The following ACSS3 variants were observed in gnomAD, a reference collection of about 807,000 sequenced individuals.
ACSS3 encodes acyl-CoA synthetase short-chain family member 3, mitochondrial.
A neutral mutation model predicts 84.2 loss-of-function variants in ACSS3; 64 were observed. That is an observed-to-expected ratio of 0.76 (90% CI 0.62 to 0.94). ACSS3 has a LOEUF of 0.94. Ranked by LOEUF, ACSS3 falls within the 40% of genes least tolerant of loss-of-function variation. The probability of loss-of-function intolerance (pLI) is 0.00; values close to 1 mark genes in which losing one functional copy is unlikely to be tolerated. For synonymous variants in ACSS3, 317 were observed against 310.1 expected, an observed-to-expected ratio of 1.02 and a Z score of -0.23; for missense variants, 815 against 867.6, an observed-to-expected ratio of 0.94 and a Z score of 0.76.
At chr12:81,232,395 C>T (rs928582382) in intron 12 of ACSS3, among the ~76,000 whole-genome samples, 1 of 151,714 alleles carries the variant, frequency 6.6e-6, no homozygotes, top group Non-Finnish European at 1.5e-5. Flanking sequence ...AATAACAGCA[C>T]AGAAGGGTTG....
chr12:81,238,074 T>A (rs2033682854), intron 13 of ACSS3, among the ~76,000 whole-genome samples: 1 of 151,760 alleles, frequency 6.6e-6, no homozygotes, highest in African/African-American at 2.4e-5. Flanking sequence ...GAATGGGTAT[T>A]GGATTTTGTC....
chr12:81,186,821 T>G (rs979658984), intron 8 of ACSS3, among the ~76,000 whole-genome samples: 1 of 151,782 alleles, frequency 6.6e-6, no homozygotes, highest in Non-Finnish European at 1.5e-5. Flanking sequence ...AAATTAAAAA[T>G]AGAACTACCA....
At chr12:81,220,166 C>A in intron 11 of ACSS3, 90 bp downstream of exon 11, 3 of 660,362 alleles carry the variant, frequency 4.5e-6, no homozygotes, top group Non-Finnish European at 7.2e-6. Context: ...GTTACTGCTA[C>A]TGAGGAAGTT....
intron 13 of ACSS3, among the ~76,000 whole-genome samples, chr12:81,241,623 A>T (rs2033807203): frequency 1.3e-5 from 2 of 152,188 alleles, no homozygotes; most frequent in Admixed American, 1.3e-4. Flanking sequence ...TTTTGGCTGC[A>T]TAAATGTCTT....
At chr12:81,093,819 A>G (rs893633558) in intron 1 of ACSS3, among the ~76,000 whole-genome samples, 1 of 152,106 alleles carries the variant, frequency 6.6e-6, no homozygotes, top group African/African-American at 2.4e-5. Context: ...TTTATATTTT[A>G]TGTGTAGATG....
At position 81,172,003 on chromosome 12, in the gene ACSS3, C is replaced by T. The variant is rs916594047; in HGVS notation, c.1099-2785C>T. Among the ~76,000 whole-genome samples the T allele has an allele frequency of 2.0e-5, 3 of 152,212 alleles. No individual in the cohort carries two copies. In the South Asian group the frequency reaches 6.2e-4, roughly 32 times the overall value. On this transcript the variant is annotated intron_variant, in intron 7 of 15. Transcript: ENST00000548058. ...AAAGCGCAGTAAAACTATGGTATCA[C>T]GCCTGTAATCCCAGCACTTTGAGAG...
In ACSS3 at chr12:81,258,853, T is replaced by G. The variant is rs1466966246; in HGVS notation, c.*3931T>G. 2.0e-5 allele frequency: 3 copies of G among 150,216 alleles called. No homozygotes were observed. In the South Asian group the frequency reaches 6.2e-4, roughly 31 times the overall value. The allele number at this position is 150,216 out of a possible 1,614,324, so 9.3% of individuals were successfully genotyped here. On this transcript the variant is annotated 3_prime_UTR_variant, in exon 16 of 16. Coordinates refer to ENST00000548058, the MANE Select transcript of ACSS3 (RefSeq NM_024560.4). ...GAACATGTGGTTCTTAGTAAAGAAG[T>G]TTTTTTATCTTTTTTTTTTTCTTGG...
intron 11 of ACSS3, among the ~76,000 whole-genome samples, chr12:81,227,763 A>G (rs1401633978): frequency 7.9e-5 from 12 of 151,822 alleles, no homozygotes; most frequent in Non-Finnish European, 1.8e-4. Context: ...TCTACCACAT[A>G]TTGCATATAT....
At chr12:81,122,163 C>G (rs554071141) in intron 2 of ACSS3, among the ~76,000 whole-genome samples, 2 of 151,952 alleles carry the variant, frequency 1.3e-5, no homozygotes, top group Non-Finnish European at 2.9e-5. Context: ...GATCTCCTGA[C>G]CTCTTGATCT....
chr12:81,090,890 T>C (rs2121328117), intron 1 of ACSS3, among the ~76,000 whole-genome samples: 1 of 152,166 alleles, frequency 6.6e-6, no homozygotes, highest in Admixed American at 6.5e-5. Context: ...CTGCAGATGC[T>C]CAAATCCCTT....
intron 7 of ACSS3, among the ~76,000 whole-genome samples, chr12:81,160,038 G>T (rs747426597): frequency 1.3e-5 from 2 of 152,174 alleles, no homozygotes; most frequent in Non-Finnish European, 2.9e-5. Flanking sequence ...CAATGACAGT[G>T]GTGTGGTTAA....
Position 81,151,882 on chromosome 12 carries a change from A to G in ACSS3, c.960A>G (p.Leu320=), listed in dbSNP as rs770361429. Residue 320 remains leucine, a synonymous_variant, in exon 6 of 16, where the codon CTA becomes CTG. Transcript: ENST00000548058. The part of the protein sequence containing the change: ...IRPTGGYAVM[L]HWSMSSIYGL... ...CCACTGGGGGATACGCTGTCATGCT[A>G]CACTGGTCAATGTCTTCCATATACG... The G allele has an allele frequency of 1.9e-6, 3 of 1,613,782 alleles. No individual in the cohort carries two copies. Among genetic ancestry groups the G allele is most frequent in the Non-Finnish European group, 2.5e-6 (3 of 1,179,890 alleles).
At chr12:81,200,901 A>AG (rs1329382615) in intron 9 of ACSS3, among the ~76,000 whole-genome samples, 2 of 151,440 alleles carry the variant, frequency 1.3e-5, no homozygotes, top group African/African-American at 4.8e-5. Context: ...AAAAAAAAAA[A>AG]AAAAAGAAAA....
chr12:81,152,834 G>A lies in ACSS3; in HGVS notation c.1098+738G>A, dbSNP rs192730203. 4.9e-3 allele frequency among the ~76,000 whole-genome samples: 748 copies of A among 152,210 alleles called. 3 individuals carry two copies. Among genetic ancestry groups the A allele is most frequent in the Middle Eastern group, 0.014 (4 of 294 alleles). ...ATGGAAAAATACATAAATATTTACA[G>A]TTCTATATTTAAATTAAAAAATACA... On this transcript the variant is annotated intron_variant, in intron 7 of 15. Coordinates refer to ENST00000548058, the MANE Select transcript of ACSS3 (RefSeq NM_024560.4).
At chr12:81,103,448 A>G (rs1882698835) in intron 1 of ACSS3, among the ~76,000 whole-genome samples, 1 of 152,204 alleles carries the variant, frequency 6.6e-6, no homozygotes, top group Non-Finnish European at 1.5e-5. Flanking sequence ...AAATGAAATA[A>G]GAAACTTGTC....
chr12:81,188,565 A>T (rs963014519), intron 8 of ACSS3, among the ~76,000 whole-genome samples: 1 of 151,886 alleles, frequency 6.6e-6, no homozygotes, highest in African/African-American at 2.4e-5. Flanking sequence ...GACCTGTATC[A>T]CTGTATATTA....
intron 2 of ACSS3, among the ~76,000 whole-genome samples, chr12:81,129,706 A>G (rs942079320): frequency 1.3e-5 from 2 of 152,112 alleles, no homozygotes; most frequent in South Asian, 4.1e-4. Context: ...TGCATGTACC[A>G]TGTTGGTGTG....
chr12:81,232,665 A>G (rs1728513857), intron 12 of ACSS3, among the ~76,000 whole-genome samples: 1 of 151,810 alleles, frequency 6.6e-6, no homozygotes, highest in Non-Finnish European at 1.5e-5. Context: ...AGATGAGAAT[A>G]CTGAGTCTCA....
intron 8 of ACSS3, among the ~76,000 whole-genome samples, chr12:81,196,627 A>G (rs2031845193): frequency 6.6e-6 from 1 of 152,088 alleles, no homozygotes; most frequent in Admixed American, 6.6e-5. Context: ...TGGATAATTT[A>G]TATAGAAAAG....
Sources: gnomAD v4.1 joint callset for allele counts (sites outside exome capture counted in the v4.1 genomes callset) on GRCh38, gnomAD v4.1.1 for gene constraint, MANE v1.5 for transcripts, NCBI Gene and HGNC (gene_info 2026-07-23, HGNC 2026-07-21) for gene names.